PUS7: variants seen among roughly 807,000 people sequenced by gnomAD.
PUS7 encodes pseudouridylate synthase 7 homolog.
A neutral mutation model predicts 79.8 loss-of-function variants in PUS7; 48 were observed. That is an observed-to-expected ratio of 0.60 (90% CI 0.48 to 0.76). The LOEUF is 0.76. Ranked by LOEUF, PUS7 falls within the 30% of genes least tolerant of loss-of-function variation. PUS7 has a pLI of 0.00. For missense variants in PUS7, 729 were observed against 797.6 expected, an observed-to-expected ratio of 0.91 and a Z score of 1.04; for synonymous variants, 286 against 272.2, an observed-to-expected ratio of 1.05 and a Z score of -0.50.
chr7:105,486,277 T>C (rs2133152571), intron 7 of PUS7, among the ~76,000 whole-genome samples: 1 of 151,464 alleles, frequency 6.6e-6, no homozygotes, highest in Admixed American at 6.6e-5. Context: ...GGTCTGGAAC[T>C]CCTGACCTCA....
At chr7:105,501,457 T>C (rs1412089865) in intron 5 of PUS7, among the ~76,000 whole-genome samples, 1 of 152,166 alleles carries the variant, frequency 6.6e-6, no homozygotes. Context: ...TTTGTGGCTG[T>C]AGATAACACA....
intron 8 of PUS7, among the ~76,000 whole-genome samples, chr7:105,481,840 C>G (rs1203798324): frequency 6.6e-6 from 1 of 151,932 alleles, no homozygotes; most frequent in Non-Finnish European, 1.5e-5. Context: ...ACGCCATTCT[C>G]CTGCCTCAGC....
chr7:105,520,911 G>A (rs1046890420), intron 1 of PUS7, among the ~76,000 whole-genome samples: 44 of 152,164 alleles, frequency 2.9e-4, no homozygotes, highest in African/African-American at 1.0e-3. Flanking sequence ...GGGAGGCTGA[G>A]GTGAGAGGAT....
In PUS7 at chr7:105,456,528, GATTT is replaced by G. The variant is rs1169805888; in HGVS notation, c.*1258_*1261del. On this transcript the variant is annotated 3_prime_UTR_variant, in exon 16 of 16. Coordinates refer to ENST00000469408, the MANE Select transcript of PUS7 (RefSeq NM_019042.5). ...TGCACTCATTTTGATATATTTATTT[GATTT>G]ATTTACATAACCAGTAGAAAGGAGA... The G allele has an allele frequency of 6.6e-6, 1 of 151,998 alleles. No individual in the cohort carries two copies. The highest frequency in any genetic ancestry group is 2.4e-5 in the African/African-American group (1 of 41,362). 9.4% of individuals were successfully genotyped at this position (151,998 alleles called of 1,614,324 possible). A position where few individuals can be genotyped will look rare whatever the true frequency, so the allele number is the denominator to read the frequency against.
chr7:105,474,823 C>A (rs550427538), intron 9 of PUS7, among the ~76,000 whole-genome samples: 1 of 151,998 alleles, frequency 6.6e-6, no homozygotes, highest in South Asian at 2.1e-4. Context: ...TGTTAAATAT[C>A]AATTACAGCC....
intron 9 of PUS7, among the ~76,000 whole-genome samples, chr7:105,476,706 C>G (rs1824126150): frequency 6.6e-6 from 1 of 152,166 alleles, no homozygotes; most frequent in Non-Finnish European, 1.5e-5. Context: ...AATGGCTATA[C>G]TGTTTTACAT....
At chr7:105,495,967 C>G (rs1364892760) in intron 5 of PUS7, among the ~76,000 whole-genome samples, 6 of 151,756 alleles carry the variant, frequency 4.0e-5, no homozygotes, top group Non-Finnish European at 8.8e-5. Context: ...TGAGACAAGC[C>G]TGGCCAACAT....
At chr7:105,470,089 A>G (rs1823812679) in intron 11 of PUS7, among the ~76,000 whole-genome samples, 1 of 152,246 alleles carries the variant, frequency 6.6e-6, no homozygotes, top group Non-Finnish European at 1.5e-5. Context: ...TTAAAGAGAG[A>G]ACCTAAATGA....
chr7:105,515,786 TTTTATTTTATTTATTTATTTA>T (rs1468608988), intron 1 of PUS7, among the ~76,000 whole-genome samples: 1 of 58,154 alleles, frequency 1.7e-5, no homozygotes, highest in Non-Finnish European at 3.6e-5. Flanking sequence ...TTGTATTTTA[TTTTATTTTATTTATTTATTTA>T]TTTATTTATT....
At chr7:105,496,106 C>CA (rs1349131498) in intron 5 of PUS7, among the ~76,000 whole-genome samples, 1 of 148,808 alleles carries the variant, frequency 6.7e-6, no homozygotes, top group African/African-American at 2.5e-5. Context: ...GTTACCGAGC[C>CA]AAGATCGTGC....
chr7:105,519,216 C>A (rs1474020361), intron 1 of PUS7, among the ~76,000 whole-genome samples: 3 of 151,668 alleles, frequency 2.0e-5, no homozygotes, highest in African/African-American at 7.3e-5. Flanking sequence ...TCTTTAGGGC[C>A]AGAGCACAGA....
intron 1 of PUS7, among the ~76,000 whole-genome samples, chr7:105,518,284 GC>G (rs1345290131): frequency 6.6e-6 from 1 of 152,046 alleles, no homozygotes; most frequent in Admixed American, 6.6e-5. Context: ...CTACACTTCA[GC>G]CTGGGTGACA....
intron 6 of PUS7, among the ~76,000 whole-genome samples, chr7:105,494,583 T>G (rs1226147409): frequency 1.3e-5 from 2 of 152,010 alleles, no homozygotes; most frequent in African/African-American, 4.8e-5. Context: ...CTAATTTTTG[T>G]ATTTTTAGTA....
At chr7:105,472,713 C>T (rs904173147) in intron 9 of PUS7, among the ~76,000 whole-genome samples, 1 of 152,086 alleles carries the variant, frequency 6.6e-6, no homozygotes, top group Non-Finnish European at 1.5e-5. Context: ...AGTATAAATA[C>T]TACATAGTCA....
intron 1 of PUS7, among the ~76,000 whole-genome samples, chr7:105,514,265 A>G (rs900908743): frequency 7.0e-6 from 1 of 142,940 alleles, no homozygotes; most frequent in Admixed American, 7.1e-5. Flanking sequence ...TGGATGATTT[A>G]CATAGCTGAA....
At chr7:105,460,772 C>T (rs818464) in intron 14 of PUS7, among the ~76,000 whole-genome samples, 141,548 of 147,956 alleles carry the variant, frequency 0.96, 67,913 homozygotes, top group East Asian at 1. Context: ...GAGAATGGCG[C>T]GAACCCGGGA....
chr7:105,512,952 T>C (rs1457381429), intron 1 of PUS7, among the ~76,000 whole-genome samples: 2 of 152,092 alleles, frequency 1.3e-5, no homozygotes, highest in Non-Finnish European at 2.9e-5. Flanking sequence ...AAAGGGGAAA[T>C]ACTTCAGGAT....
intron 1 of PUS7, among the ~76,000 whole-genome samples, chr7:105,518,428 T>C (rs984094004): frequency 2.0e-5 from 3 of 152,046 alleles, no homozygotes; most frequent in Non-Finnish European, 4.4e-5. Context: ...TTTGAGACAG[T>C]GTCTCACTCT....
In PUS7 at chr7:105,495,154, G is replaced by T. The variant is rs770944475; in HGVS notation, c.830C>A (p.Ser277Tyr). ...AACAGTAACTCACCTTAAGTATTTG[G>T]AGAGTACATTAATAGCATCCATGGT... ...KDTMDAINVL[S>Y]KYLRVKPNIF... The change falls in exon 6 of 16, where the codon TCC becomes TAC. Residue 277 changes from serine (S) to tyrosine (Y), a missense_variant. Transcript: ENST00000469408. 1.3e-6 allele frequency: 2 copies of T among 1,590,096 alleles called. No homozygotes were observed. The highest frequency in any genetic ancestry group is 1.7e-6 in the Non-Finnish European group (2 of 1,160,830).
Sources: gnomAD v4.1 joint callset for allele counts (sites outside exome capture counted in the v4.1 genomes callset) on GRCh38, gnomAD v4.1.1 for gene constraint, MANE v1.5 for transcripts, NCBI Gene and HGNC (gene_info 2026-07-23, HGNC 2026-07-21) for gene names.